Variants in MEF2C observed in about 807,000 individuals in gnomAD.
MEF2C encodes myocyte enhancer factor 2C.
In MEF2C, 6 loss-of-function variants were observed where a neutral mutation model predicts 50.5. The observed-to-expected ratio is 0.12, with a 90% CI of 0.07 to 0.23. The LOEUF (loss-of-function observed/expected upper bound fraction) is 0.23. Ranked by LOEUF, MEF2C falls within the 10% of genes least tolerant of loss-of-function variation. The pLI, the probability that MEF2C is intolerant of heterozygous loss-of-function variation, is 1.00. For synonymous variants in MEF2C, 183 were observed against 228.0 expected (o/e 0.80, Z 1.78); for missense variants, 276 against 605.0 (o/e 0.46, Z 5.70).
intron 5 of MEF2C, chr5:88,750,064 A>AT (rs1771939794): frequency 1.6e-6 from 1 of 621,748 alleles, no homozygotes; most frequent in Non-Finnish European, 2.0e-6. Context: ...TTTGAAAAAA[A>AT]CAACATTCAG....
chr5:88,737,340 A>G (rs1158935345), intron 6 of MEF2C: 2 of 985,446 alleles, frequency 2.0e-6, no homozygotes. Flanking sequence ...AAATTTGTTT[A>G]TAGAGAGTTA....
intron 2 of MEF2C, among the ~76,000 whole-genome samples, chr5:88,811,520 C>A (rs62380364): frequency 0.36 from 54,757 of 151,886 alleles, 11,176 homozygotes; most frequent in East Asian, 0.54. Flanking sequence ...TGTTCTTAAT[C>A]TATGCCTAAG....
chr5:88,834,597 C>G (rs569770381), intron 1 of MEF2C, among the ~76,000 whole-genome samples: 3 of 152,056 alleles, frequency 2.0e-5, no homozygotes, highest in South Asian at 4.2e-4. Flanking sequence ...TGGAATGGAC[C>G]AAGGGGTGAT....
At position 88,729,218 on chromosome 5, in the gene MEF2C, C is replaced by T. The variant is rs2152223232; in HGVS notation, c.964G>A (p.Glu322Lys). The T allele has an allele frequency of 6.2e-7, 1 of 1,612,958 alleles. No individual in the cohort carries two copies. The change falls in exon 9 of 11, where the codon GAG (glutamate) becomes AAG (lysine). Residue 322 changes from glutamate (E) to lysine (K), a missense_variant and splice_region_variant. Coordinates refer to ENST00000504921, the MANE Select transcript of MEF2C (RefSeq NM_002397.5). Reference sequence around the variant, plus strand: ...AATTGCACATGACAAAGCTACTCACCGGTACCATATGTTGTTGAAATGGCT... The same window carrying T: ...AATTGCACATGACAAAGCTACTCACTGGTACCATATGTTGTTGAAATGGCT... ...PSAISTTYGT[E>K]YSLSSADLSS...
At chr5:88,894,222 C>T (rs3911354) in intron 1 of MEF2C, among the ~76,000 whole-genome samples, 3 of 152,172 alleles carry the variant, frequency 2.0e-5, no homozygotes, top group Admixed American at 6.5e-5. Flanking sequence ...GCTGTGAGTG[C>T]TGACATGACC....
intron 1 of MEF2C, among the ~76,000 whole-genome samples, chr5:88,899,313 AT>A (rs1835406519): frequency 6.6e-6 from 1 of 152,276 alleles, no homozygotes; most frequent in East Asian, 1.9e-4. Context: ...ACTTATAGCA[AT>A]AGGGATAGGG....
chr5:88,811,626 A>G (rs935692288), intron 2 of MEF2C, among the ~76,000 whole-genome samples: 5 of 152,138 alleles, frequency 3.3e-5, no homozygotes, highest in African/African-American at 1.2e-4. Context: ...AATCCCACCC[A>G]TACATTATCG....
chr5:88,843,235 A>T (rs1427956861), intron 1 of MEF2C: 41 of 423,758 alleles, frequency 9.7e-5, no homozygotes, highest in Admixed American at 2.8e-4. Context: ...ATTCTATGGT[A>T]AAAAAAAAAG....
At chr5:88,813,325 A>C (rs1803707642) in intron 2 of MEF2C, among the ~76,000 whole-genome samples, 1 of 152,156 alleles carries the variant, frequency 6.6e-6, no homozygotes, top group Non-Finnish European at 1.5e-5. Context: ...AGGCAATGTA[A>C]ATAACAAGTT....
At chr5:88,776,719 G>C (rs1784947634) in intron 3 of MEF2C, among the ~76,000 whole-genome samples, 1 of 152,190 alleles carries the variant, frequency 6.6e-6, no homozygotes, top group South Asian at 2.1e-4. Context: ...TGAAAGACAG[G>C]GAGGGGAAAA....
At chr5:88,726,444 A>C (rs1219148166) in intron 10 of MEF2C, among the ~76,000 whole-genome samples, 1 of 152,140 alleles carries the variant, frequency 6.6e-6, no homozygotes, top group Admixed American at 6.6e-5. Context: ...TGTGAATATG[A>C]GGTAGTCCAT....
At chr5:88,843,510 A>G (rs530068945) in intron 1 of MEF2C, 106 of 981,032 alleles carry the variant, frequency 1.1e-4, no homozygotes, top group Non-Finnish European at 1.2e-4. Flanking sequence ...TACATTTTTC[A>G]TGTGTCTGAA....
rs990237591 is a variant in MEF2C, at chr5:88,740,716, A to G, written c.637+8354T>C. ...ACCCAAATATCATTCTCCTTTGGGT[A>G]CTGATTTACTGAAGGGATAGTTTTT... is the stretch of plus-strand genomic sequence containing the variant. On this transcript the variant is annotated intron_variant, in intron 6 of 10. Transcript: ENST00000504921. 10 of 984,624 alleles carry G rather than the reference A, an allele frequency of 1.0e-5. No individual in the cohort carries two copies. In the South Asian group the frequency reaches 3.3e-4, roughly 32 times the overall value. 61.0% of individuals were successfully genotyped at this position (984,624 alleles called of 1,614,324 possible). A position where few individuals can be genotyped will look rare whatever the true frequency, so the allele number is the denominator to read the frequency against.
intron 3 of MEF2C, chr5:88,771,446 T>C (rs1782378985): frequency 2.0e-6 from 2 of 985,322 alleles, no homozygotes; most frequent in African/African-American, 3.5e-5. Context: ...CTAACGCTTG[T>C]AGAAGGCACT....
At chr5:88,854,543 A>G (rs533190375) in intron 1 of MEF2C, among the ~76,000 whole-genome samples, 25 of 152,326 alleles carry the variant, frequency 1.6e-4, no homozygotes, top group African/African-American at 6.0e-4. Context: ...CATGGTGGAA[A>G]TACTTCATCA....
intron 5 of MEF2C, among the ~76,000 whole-genome samples, chr5:88,750,705 G>A (rs1167297121): frequency 6.6e-6 from 1 of 152,116 alleles, no homozygotes. Context: ...CAAGAGAATG[G>A]CTCAATGAAG....
At chr5:88,866,658 GATATA>G (rs1284425394) in intron 1 of MEF2C, among the ~76,000 whole-genome samples, 1 of 152,150 alleles carries the variant, frequency 6.6e-6, no homozygotes, top group Non-Finnish European at 1.5e-5. Context: ...GAATAAACTT[GATATA>G]ATATTTCTTA....
intron 1 of MEF2C, among the ~76,000 whole-genome samples, chr5:88,858,117 T>C (rs916335584): frequency 6.6e-6 from 1 of 152,230 alleles, no homozygotes; most frequent in African/African-American, 2.4e-5. Context: ...TTCTTGATAA[T>C]GAAATCCAAC....
intron 5 of MEF2C, chr5:88,751,190 G>A: frequency 6.1e-6 from 6 of 976,584 alleles, no homozygotes; most frequent in Non-Finnish European, 7.3e-6. Context: ...TAAGTACTAA[G>A]AATGGATGAA....
Sources: allele counts gnomAD v4.1 joint callset (sites outside exome capture counted in the v4.1 genomes callset), GRCh38; gene constraint gnomAD v4.1.1; transcripts MANE v1.5; gene names NCBI Gene and HGNC (gene_info 2026-07-23, HGNC 2026-07-21).